AHR: variants seen among roughly 807,000 people sequenced by gnomAD.
AHR encodes the protein aryl hydrocarbon receptor.
A neutral mutation model predicts 86.8 loss-of-function variants in AHR; 40 were observed. That is an observed-to-expected ratio of 0.46 (90% CI 0.36 to 0.60). The LOEUF (loss-of-function observed/expected upper bound fraction) is 0.60. Among genes scored for constraint, AHR ranks in the 20% least tolerant of loss-of-function variants. AHR has a pLI of 0.00. For synonymous variants in AHR, 398 were observed against 354.9 expected, an observed-to-expected ratio of 1.12 and a Z score of -1.37; for missense variants, 1,001 against 1,011.6, an observed-to-expected ratio of 0.99 and a Z score of 0.14.
intron 2 of AHR, among the ~76,000 whole-genome samples, chr7:17,318,745 T>A (rs1782140674): frequency 6.6e-6 from 1 of 152,176 alleles, no homozygotes; most frequent in East Asian, 1.9e-4. Context: ...TATGTAACAA[T>A]TTACAGTTTT....
chr7:17,340,898 A>T (rs1490322861), intron 10 of AHR, among the ~76,000 whole-genome samples: 4 of 152,172 alleles, frequency 2.6e-5, no homozygotes, highest in South Asian at 2.1e-4. Flanking sequence ...ATCAAGCTTG[A>T]TAGTGCATTT....
At position 17,327,726 on chromosome 7, in the gene AHR, T is replaced by C. The variant is rs778897152; in HGVS notation, c.361-33T>C. The C allele has an allele frequency of 8.9e-6, 11 of 1,229,298 alleles. No homozygotes were observed. The African/African-American group carries it at 1.5e-4, about 17-fold the overall frequency. 76.1% of individuals were successfully genotyped at this position (1,229,298 alleles called of 1,614,324 possible). A position where few individuals can be genotyped will look rare whatever the true frequency, so the allele number is the denominator to read the frequency against. ...TTATCTGATGGTCAATATTAAGTCA[T>C]ATTACTAATTTTAGAACTTCCTTTC... On this transcript the variant is annotated intron_variant, in intron 3 of 10. Coordinates refer to ENST00000242057, the MANE Select transcript of AHR (RefSeq NM_001621.5).
Position 17,343,198 on chromosome 7 carries a change from AAACCAAATTTT to A in AHR, c.*137_*147del. On this transcript the variant is annotated 3_prime_UTR_variant, in exon 11 of 11. Coordinates refer to ENST00000242057, the MANE Select transcript of AHR (RefSeq NM_001621.5). ...GATGCATGCTATTCACAATTATTCC[AAACCAAATTTT>A]AATTTTTGCTTTTAGAAAAGGGAGT... 3 of 1,098,106 alleles carry A rather than the reference AAACCAAATTTT, an allele frequency of 2.7e-6. No individual in the cohort carries two copies. The highest frequency in any genetic ancestry group is 4.0e-6 in the Non-Finnish European group (3 of 743,882). 68.0% of individuals were successfully genotyped at this position (1,098,106 alleles called of 1,614,324 possible).
intron 2 of AHR, among the ~76,000 whole-genome samples, chr7:17,315,683 G>A (rs1046835980): frequency 1.3e-5 from 2 of 151,746 alleles, no homozygotes; most frequent in East Asian, 1.9e-4. Context: ...AAGATATTTC[G>A]TGAGGGTTTG....
intron 9 of AHR, among the ~76,000 whole-genome samples, chr7:17,338,501 A>C (rs920513797): frequency 2.6e-5 from 4 of 152,078 alleles, no homozygotes; most frequent in African/African-American, 9.7e-5. Context: ...GACTGTAGGC[A>C]TGTGCCACCA....
At chr7:17,299,393 C>T in intron 1 of AHR, 64 bp downstream of exon 1, 1 of 1,555,212 alleles carries the variant, frequency 6.4e-7, no homozygotes, top group Non-Finnish European at 8.8e-7. Context: ...GTGCGGGAGG[C>T]AGCCCCACCC....
Position 17,343,287 on chromosome 7 carries a change from G to A in AHR, c.*223G>A. The A allele has an allele frequency of 1.8e-6, 1 of 556,204 alleles. No homozygotes were observed. The highest frequency in any genetic ancestry group is 3.1e-6 in the Non-Finnish European group (1 of 321,628). The allele number at this position is 556,204 out of a possible 1,614,324, so 34.5% of individuals were successfully genotyped here. On this transcript the variant is annotated 3_prime_UTR_variant, in exon 11 of 11. Coordinates refer to ENST00000242057, the MANE Select transcript of AHR (RefSeq NM_001621.5). ...CTACAGTCAAGATAGAAAGGGTGCTGCCACGGAGTGGTGAGGTACCGTCTA... is the reference window on the plus strand; with the variant it reads ...CTACAGTCAAGATAGAAAGGGTGCTACCACGGAGTGGTGAGGTACCGTCTA...
At chr7:17,324,647 A>G (rs1281951936) in intron 3 of AHR, among the ~76,000 whole-genome samples, 1 of 152,020 alleles carries the variant, frequency 6.6e-6, no homozygotes, top group Non-Finnish European at 1.5e-5. Context: ...CTAAAAATAC[A>G]AAAAATTAGC....
rs937991861 is a variant in AHR, at chr7:17,343,107, T to C, written c.*43T>C. ...ACCCTGGTTTTTGGATTAAATTAGT[T>C]TGTGAAGGATTATGGAAAAATAAAA... On this transcript the variant is annotated 3_prime_UTR_variant, in exon 11 of 11. Transcript: ENST00000242057. The C allele has an allele frequency of 1.2e-6, 2 of 1,601,578 alleles. No homozygotes were observed. Among genetic ancestry groups the C allele is most frequent in the Non-Finnish European group, 8.5e-7 (1 of 1,169,722 alleles).
At chr7:17,341,697 T>C (rs115419296) in intron 10 of AHR, among the ~76,000 whole-genome samples, 115 of 152,266 alleles carry the variant, frequency 7.6e-4, no homozygotes, top group African/African-American at 2.7e-3. Flanking sequence ...AAATATCTCA[T>C]CTTTTATTAT....
At chr7:17,331,529 A>G (rs1213512749) in intron 6 of AHR, among the ~76,000 whole-genome samples, 1 of 151,952 alleles carries the variant, frequency 6.6e-6, no homozygotes, top group Non-Finnish European at 1.5e-5. Context: ...GTATGAGAGA[A>G]TTATGTAGCC....
At chr7:17,308,292 C>T (rs923906787) in intron 1 of AHR, among the ~76,000 whole-genome samples, 23 of 152,110 alleles carry the variant, frequency 1.5e-4, no homozygotes, top group African/African-American at 5.3e-4. Flanking sequence ...AGTTATGCCT[C>T]TTCATGAAAT....
chr7:17,299,362 G>T (rs552727772), intron 1 of AHR, 33 bp downstream of exon 1: 1 of 1,607,504 alleles, frequency 6.2e-7, no homozygotes, highest in Non-Finnish European at 8.5e-7. Context: ...CATCGCGGGG[G>T]CTGGGCGCTC....
intron 3 of AHR, among the ~76,000 whole-genome samples, chr7:17,324,278 C>A (rs1292988901): frequency 2.0e-5 from 3 of 152,068 alleles, no homozygotes; most frequent in Admixed American, 6.6e-5. Context: ...TATATGTTAT[C>A]TTTTTATGAA....
chr7:17,330,125 T>A (rs1782271714), intron 5 of AHR, 50 bp downstream of exon 5: 1 of 1,565,986 alleles, frequency 6.4e-7, no homozygotes, highest in Non-Finnish European at 8.7e-7. Flanking sequence ...TAAATATGAG[T>A]CTGTGAAAGG....
chr7:17,339,631 A>G lies in AHR; in HGVS notation c.1806A>G (p.Gln602=). The change falls in exon 10 of 11, where the codon CAA becomes CAG. Residue 602 remains glutamine, a synonymous_variant. Coordinates refer to ENST00000242057, the MANE Select transcript of AHR (RefSeq NM_001621.5). ...TCATACCTTCAGATTATCAACAGCA[A>G]CAGTCCTTGGCTCTGAACTCAAGCT... The part of the protein sequence containing the change: ...SPFIPSDYQQ[Q]QSLALNSSCM... The G allele has an allele frequency of 1.2e-6, 2 of 1,614,094 alleles. No homozygotes were observed. Among genetic ancestry groups the G allele is most frequent in the Non-Finnish European group, 1.7e-6 (2 of 1,180,034 alleles).
At chr7:17,327,429 A>G (rs1782240920) in intron 3 of AHR, among the ~76,000 whole-genome samples, 1 of 151,972 alleles carries the variant, frequency 6.6e-6, no homozygotes, top group African/African-American at 2.4e-5. Context: ...AAGCAGTGTG[A>G]TAGACTATAG....
rs530417467 is a variant in AHR, at chr7:17,299,130, C to G, written c.-135C>G. The G allele has an allele frequency of 7.6e-5, 73 of 965,672 alleles. No individual in the cohort carries two copies. The highest frequency in any genetic ancestry group is 1.0e-4 in the Non-Finnish European group (69 of 685,240). The allele number at this position is 965,672 out of a possible 1,614,324, so 59.8% of individuals were successfully genotyped here. A position where few individuals can be genotyped will look rare whatever the true frequency, so the allele number is the denominator to read the frequency against. On this transcript the variant is annotated 5_prime_UTR_variant, in exon 1 of 11. Transcript: ENST00000242057. ...AGGCGCGGCGCCCACGCCACTGTCCCGAGAGGACGCAGGTGGAGCGGGCGC... is the reference window on the plus strand; with the variant it reads ...AGGCGCGGCGCCCACGCCACTGTCCGGAGAGGACGCAGGTGGAGCGGGCGC...
rs376246986 is a variant in AHR at position 17,299,379 on chromosome 7, G to A, written c.65+50G>A. 1.5e-3 allele frequency: 2,405 copies of A among 1,595,650 alleles called. 14 individuals are homozygous for A. The Middle Eastern group carries it at 0.034, about 23-fold the overall frequency. The stretch of plus-strand genomic sequence containing the variant: ...TCGCGGGGGCTGGGCGCTCAGGCAC[G>A]CGGGTGCGGGAGGCAGCCCCACCCC... On this transcript the variant is annotated intron_variant, in intron 1 of 10. Coordinates refer to ENST00000242057, the MANE Select transcript of AHR (RefSeq NM_001621.5).
Sources: gnomAD v4.1 joint callset for allele counts (sites outside exome capture counted in the v4.1 genomes callset) on GRCh38, gnomAD v4.1.1 for gene constraint, MANE v1.5 for transcripts, NCBI Gene and HGNC (gene_info 2026-07-23, HGNC 2026-07-21) for gene names.